RNF166: variants seen among roughly 807,000 people sequenced by gnomAD.
RNF166 encodes ring finger protein 166, also known as E3 ubiquitin-protein ligase RNF166.
In RNF166, 19 loss-of-function variants were observed where a neutral mutation model predicts 29.4. The observed-to-expected ratio is 0.65, with a 90% CI of 0.45 to 0.95. The LOEUF (loss-of-function observed/expected upper bound fraction) is 0.95. Ranked by LOEUF, RNF166 falls within the 40% of genes least tolerant of loss-of-function variation. The pLI is 0.00. For missense variants in RNF166, 347 were observed against 322.1 expected (o/e 1.08, Z -0.59); for synonymous variants, 171 against 134.5 (o/e 1.27, Z -1.88).
chr16:88,704,231 C>A, intron 1 of RNF166: 1 of 985,468 alleles, frequency 1.0e-6, no homozygotes, highest in South Asian at 4.7e-5. Flanking sequence ...CATTTGCATG[C>A]ATGCCTTAGC....
intron 1 of RNF166, chr16:88,704,032 G>A (rs1053209854): frequency 2.0e-6 from 2 of 985,334 alleles, no homozygotes; most frequent in African/African-American, 3.5e-5. Context: ...AGCTCCTGCT[G>A]GGCCCCCAGG....
At position 88,706,183 on chromosome 16, in the gene RNF166, C is replaced by T. The variant is rs1910781210; in HGVS notation, c.143G>A (p.Ser48Asn). 1 of 1,276,490 alleles carries T rather than the reference C, an allele frequency of 7.8e-7. No homozygotes were observed. Among genetic ancestry groups the T allele is most frequent in the Non-Finnish European group, 9.9e-7 (1 of 1,006,366 alleles). 79.1% of individuals were successfully genotyped at this position (1,276,490 alleles called of 1,614,324 possible). Reference sequence around the variant, plus strand: ...CGGGCGCGCTCACGTGTGGCCGCAGCTGCCGATGGCCACGGGCCGGTGATA... The same window carrying T: ...CGGGCGCGCTCACGTGTGGCCGCAGTTGCCGATGGCCACGGGCCGGTGATA... ...EVYHRPVAIG[S>N]CGHTFCGECL... The change falls in exon 1 of 6, where the codon AGC becomes AAC. Residue 48 changes from serine to asparagine, a missense_variant. Transcript: ENST00000312838.
chr16:88,700,521 G>T, intron 2 of RNF166: 1 of 853,480 alleles, frequency 1.2e-6, no homozygotes. Flanking sequence ...TCGACCTCGA[G>T]GACAAACCAC....
At chr16:88,703,862 C>A in intron 1 of RNF166, 2 of 985,474 alleles carry the variant, frequency 2.0e-6, no homozygotes, top group Non-Finnish European at 2.4e-6. Context: ...ATCTGCCTGG[C>A]TGGCAGGCCA....
chr16:88,701,738 T>C, intron 1 of RNF166: 1 of 307,790 alleles, frequency 3.2e-6, no homozygotes, highest in Non-Finnish European at 6.1e-6. Flanking sequence ...CAGCTCGGGC[T>C]ACCAGGTTCA....
intron 1 of RNF166, 62 bp downstream of exon 1, chr16:88,706,109 C>T (rs992389305): frequency 9.4e-7 from 1 of 1,062,504 alleles, no homozygotes; most frequent in Non-Finnish European, 1.1e-6. Context: ...CCGCCGGCCT[C>T]GCGACCCCTC....
Position 88,701,113 on chromosome 16 carries a change from C to T in RNF166, c.312+149G>A, listed in dbSNP as rs141704187. On this transcript the variant is annotated intron_variant, in intron 2 of 5. Coordinates refer to ENST00000312838, the MANE Select transcript of RNF166 (RefSeq NM_178841.4). ...ATGAAGACGGGAGGGGAGGGAGGCG[C>T]CGGGGCTGGCTTCCTGGTGCAGGAG... The T allele has an allele frequency of 5.1e-4, 643 of 1,253,210 alleles. 4 individuals are homozygous for T. The African/African-American group carries it at 8.5e-3, about 17-fold the overall frequency. The allele number at this position is 1,253,210 out of a possible 1,614,324, so 77.6% of individuals were successfully genotyped here. A position where few individuals can be genotyped will look rare whatever the true frequency, so the allele number is the denominator to read the frequency against.
At chr16:88,702,770 C>T in intron 1 of RNF166, 1 of 985,458 alleles carries the variant, frequency 1.0e-6, no homozygotes, top group Non-Finnish European at 1.2e-6. Flanking sequence ...TCACTTTACC[C>T]ACCTCACCCG....
intron 1 of RNF166, chr16:88,703,145 C>T: frequency 2.0e-6 from 2 of 985,496 alleles, no homozygotes; most frequent in Non-Finnish European, 2.4e-6. Flanking sequence ...GCTCAACGTC[C>T]AGCAGAGAGA....
chr16:88,702,221 C>T (rs187526741), intron 1 of RNF166, among the ~76,000 whole-genome samples: 21 of 152,340 alleles, frequency 1.4e-4, no homozygotes, highest in African/African-American at 3.4e-4. Flanking sequence ...GCACCAGGCG[C>T]GAGAGCCCCC....
At chr16:88,697,991 G>A (rs1337806218) in intron 5 of RNF166, 3 of 475,356 alleles carry the variant, frequency 6.3e-6, no homozygotes, top group East Asian at 7.5e-5. Context: ...ACTGGCAGAG[G>A]GAGTGACAGC....
At chr16:88,698,235 G>T in intron 5 of RNF166, 1 of 651,518 alleles carries the variant, frequency 1.5e-6, no homozygotes, top group Admixed American at 2.4e-5. Flanking sequence ...GAGGGGTTCT[G>T]TGGGGTGGGC....
chr16:88,702,113 C>T (rs892169425), intron 1 of RNF166, among the ~76,000 whole-genome samples: 2 of 118,768 alleles, frequency 1.7e-5, no homozygotes, highest in African/African-American at 6.3e-5. Flanking sequence ...CCCGTGCGCA[C>T]TCCGGGCTCC....
chr16:88,698,553 G>A lies in RNF166; in HGVS notation c.597C>T (p.Asn199=). The A allele has an allele frequency of 6.4e-7, 1 of 1,574,200 alleles. No individual in the cohort carries two copies. Among genetic ancestry groups the A allele is most frequent in the Non-Finnish European group, 8.6e-7 (1 of 1,159,622 alleles). ...GTCGGTGAAGCAGGTGCTGCAGGAA[G>A]TTGGCGCTCTTGTAGCTGGGGTCCC... ...PWGDPSYKSA[N]FLQHLLHRHK... The change falls in exon 5 of 6, where the codon AAC becomes AAT. Residue 199 remains asparagine, a synonymous_variant. Transcript: ENST00000312838.
At chr16:88,704,391 T>C (rs1340569410) in intron 1 of RNF166, 7 of 985,312 alleles carry the variant, frequency 7.1e-6, no homozygotes, top group Non-Finnish European at 8.4e-6. Context: ...TGGTCGTCAT[T>C]CTACCAAGAA....
chr16:88,702,750 A>C (rs970611621), intron 1 of RNF166: 3 of 985,270 alleles, frequency 3.0e-6, no homozygotes, highest in African/African-American at 3.5e-5. Context: ...CTGCAGAGTA[A>C]AGAGGTCGCT....
intron 1 of RNF166, chr16:88,704,471 T>G: frequency 3.2e-5 from 32 of 985,362 alleles, no homozygotes; most frequent in Non-Finnish European, 3.6e-5. Flanking sequence ...TTCTGTGTTA[T>G]GGAAACTACA....
At chr16:88,706,099 C>T in intron 1 of RNF166, 72 bp downstream of exon 1, 5 of 1,012,568 alleles carry the variant, frequency 4.9e-6, no homozygotes, top group Non-Finnish European at 5.9e-6. Flanking sequence ...ACCGGGGCGG[C>T]CGCCGGCCTC....
In RNF166 at chr16:88,696,520, TA is replaced by T. The variant is rs748576300; in HGVS notation, c.*1047del. ...TAGAGATGCTCTGAGACATTTTATT[TA>T]AACTTTTTTTTTTAAAAAAAAGACA... On this transcript the variant is annotated 3_prime_UTR_variant, in exon 6 of 6. Transcript: ENST00000312838. 1.2e-5 allele frequency: 5 copies of T among 423,774 alleles called. No homozygotes were observed. Among genetic ancestry groups the T allele is most frequent in the South Asian group, 8.4e-5 (5 of 59,854 alleles). 26.3% of individuals were successfully genotyped at this position (423,774 alleles called of 1,614,324 possible). A position where few individuals can be genotyped will look rare whatever the true frequency, so the allele number is the denominator to read the frequency against.
Sources: gnomAD v4.1 joint callset for allele counts (sites outside exome capture counted in the v4.1 genomes callset) on GRCh38, gnomAD v4.1.1 for gene constraint, MANE v1.5 for transcripts, NCBI Gene and HGNC (gene_info 2026-07-23, HGNC 2026-07-21) for gene names.